Variants in FAT3 observed in about 807,000 individuals in gnomAD.
The protein encoded by FAT3 is protocadherin Fat 3.
In FAT3, 95 loss-of-function variants were observed where a neutral mutation model predicts 310.2. That is an observed-to-expected ratio of 0.31 (90% CI 0.26 to 0.36). FAT3 has a LOEUF of 0.36. FAT3 is among the 10% of genes least tolerant of loss of function. The pLI is 1.00. For missense variants in FAT3, 5,408 were observed against 5,715.6 expected (o/e 0.95, Z 1.74); for synonymous variants, 2,314 against 2,192.9 (o/e 1.06, Z -1.54).
intron 2 of FAT3, among the ~76,000 whole-genome samples, chr11:92,365,729 G>A (rs1425456586): frequency 2.0e-5 from 3 of 152,180 alleles, no homozygotes; most frequent in Non-Finnish European, 4.4e-5. Context: ...AGGACCAAGA[G>A]GCATTTCACT....
intron 3 of FAT3, among the ~76,000 whole-genome samples, chr11:92,662,823 G>A (rs187276522): frequency 2.6e-5 from 4 of 152,308 alleles, no homozygotes; most frequent in Admixed American, 1.3e-4. Flanking sequence ...GGAACTGACT[G>A]ATCAGCCCTG....
chr11:92,525,123 A>G (rs1953815561), intron 3 of FAT3, among the ~76,000 whole-genome samples, 175 bp downstream of exon 3: 1 of 152,164 alleles, frequency 6.6e-6, no homozygotes, highest in African/African-American at 2.4e-5. Flanking sequence ...TTTTAATTTC[A>G]CTTGACACTG....
rs534730750 is a variant in FAT3, at chr11:92,353,455, C to T, written c.1343C>T (p.Thr448Ile). The T allele has an allele frequency of 4.3e-6, 7 of 1,613,496 alleles. 1 individual carries two copies. In the South Asian group the frequency reaches 6.6e-5, roughly 15 times the overall value. ...VKKEVYKLEV[T>I]NKEGDLKAQV... Reference sequence around the variant, plus strand: ...AAGGAGGTTTATAAACTGGAGGTGACAAACAAGGAAGGAGATTTAAAAGCA... The same window carrying T: ...AAGGAGGTTTATAAACTGGAGGTGATAAACAAGGAAGGAGATTTAAAAGCA... The change falls in exon 2 of 28, where the codon ACA becomes ATA. Residue 448 changes from threonine (T) to isoleucine (I), a missense_variant. Transcript: ENST00000525166.
intron 2 of FAT3, among the ~76,000 whole-genome samples, chr11:92,517,106 T>G (rs1026474591): frequency 3.3e-5 from 5 of 152,178 alleles, no homozygotes; most frequent in African/African-American, 1.2e-4. Flanking sequence ...ACCATTGACT[T>G]TCTTCAAAGA....
chr11:92,584,199 G>A (rs1013997), intron 3 of FAT3, among the ~76,000 whole-genome samples: 115,154 of 151,834 alleles, frequency 0.76, 44,870 homozygotes, highest in Middle Eastern at 0.84. Context: ...ATGTGTTTGA[G>A]ATCAGGTGCG....
intron 2 of FAT3, among the ~76,000 whole-genome samples, chr11:92,481,432 A>G (rs1157716064): frequency 6.6e-6 from 1 of 152,188 alleles, no homozygotes; most frequent in Non-Finnish European, 1.5e-5. Flanking sequence ...TAAATTCAAG[A>G]AAATAGAGTA....
intron 22 of FAT3, among the ~76,000 whole-genome samples, chr11:92,877,356 C>G (rs1949555524): frequency 6.6e-6 from 1 of 152,172 alleles, no homozygotes. Context: ...TGGATTCCCA[C>G]CTTCCCTCTG....
intron 7 of FAT3, among the ~76,000 whole-genome samples, chr11:92,788,084 TA>T: frequency 6.6e-6 from 1 of 151,844 alleles, no homozygotes; most frequent in Non-Finnish European, 1.5e-5. Context: ...AAATTCTAAC[TA>T]AAAAGAAAAC....
chr11:92,259,036 T>C (rs1354283879), intron 1 of FAT3, among the ~76,000 whole-genome samples: 1 of 151,840 alleles, frequency 6.6e-6, no homozygotes, highest in African/African-American at 2.4e-5. Context: ...GTGGAAGTTG[T>C]TGGGCAGGAA....
At chr11:92,320,880 A>AGGGGG (rs5793596) in intron 1 of FAT3, among the ~76,000 whole-genome samples, 2 of 148,554 alleles carry the variant, frequency 1.3e-5, no homozygotes, top group South Asian at 2.1e-4. Context: ...AAAAAAAAAA[A>AGGGGG]GGGGGGGGTA....
chr11:92,470,580 A>G (rs1386899467), intron 2 of FAT3, among the ~76,000 whole-genome samples: 1 of 152,164 alleles, frequency 6.6e-6, no homozygotes, highest in Admixed American at 6.5e-5. Flanking sequence ...TTTGGGAAAC[A>G]CCAAGCCCTG....
chr11:92,560,586 G>A (rs1472689180), intron 3 of FAT3, among the ~76,000 whole-genome samples: 2 of 151,962 alleles, frequency 1.3e-5, no homozygotes, highest in Non-Finnish European at 2.9e-5. Flanking sequence ...CTTTATATGG[G>A]CATATTCTCT....
At chr11:92,795,579 A>T (rs1160319970) in intron 9 of FAT3, among the ~76,000 whole-genome samples, 1 of 151,926 alleles carries the variant, frequency 6.6e-6, no homozygotes, top group Admixed American at 6.6e-5. Context: ...GAAGCGTGTC[A>T]CAAGCAGATC....
intron 2 of FAT3, among the ~76,000 whole-genome samples, chr11:92,375,378 C>A (rs1400659251): frequency 6.6e-6 from 1 of 152,126 alleles, no homozygotes; most frequent in Admixed American, 6.5e-5. Context: ...TAGGCTCAAG[C>A]TCTCCTCCTG....
At chr11:92,347,973 A>T (rs1379787598) in intron 1 of FAT3, among the ~76,000 whole-genome samples, 2 of 152,198 alleles carry the variant, frequency 1.3e-5, no homozygotes, top group Admixed American at 6.5e-5. Context: ...TTTAAAAAAA[A>T]CTTCAACAGT....
intron 2 of FAT3, among the ~76,000 whole-genome samples, chr11:92,507,372 T>C (rs1232662821): frequency 6.6e-5 from 10 of 152,116 alleles, no homozygotes; most frequent in Admixed American, 6.6e-4. Flanking sequence ...TGGTTATAAA[T>C]AGGAAAGCAA....
intron 2 of FAT3, among the ~76,000 whole-genome samples, chr11:92,447,581 G>A (rs1646505905): frequency 6.6e-6 from 1 of 152,070 alleles, no homozygotes; most frequent in Admixed American, 6.5e-5. Context: ...TACAAAGTAA[G>A]GTAACACCTG....
rs545055503 is a variant in FAT3 at position 92,713,271 on chromosome 11, G to T, written c.3669+15826G>T. Among the ~76,000 whole-genome samples the T allele has an allele frequency of 2.0e-5, 3 of 152,314 alleles. 1 individual carries two copies. In the South Asian group the frequency reaches 6.2e-4, roughly 32 times the overall value. The stretch of plus-strand genomic sequence containing the variant: ...CAAAGGGAAAAGCATTGTTCTCACT[G>T]CTTTTCTGTTCTCTCCTTGATTGTC... On this transcript the variant is annotated intron_variant, in intron 4 of 27. Transcript: ENST00000525166.
intron 4 of FAT3, among the ~76,000 whole-genome samples, chr11:92,727,827 T>C (rs1046429200): frequency 1.3e-5 from 2 of 152,250 alleles, no homozygotes; most frequent in African/African-American, 4.8e-5. Context: ...TCCAGTCTTC[T>C]CTCAGCCTGC....
Sources: allele counts gnomAD v4.1 joint callset (sites outside exome capture counted in the v4.1 genomes callset), GRCh38; gene constraint gnomAD v4.1.1; transcripts MANE v1.5; gene names NCBI Gene and HGNC (gene_info 2026-07-23, HGNC 2026-07-21).